Variants in ANXA6 observed in about 807,000 individuals in gnomAD.
ANXA6 encodes annexin A6, also known as 67 kDa calelectrin.
Under a neutral mutation model 95.4 loss-of-function variants are expected in ANXA6, and 71 were observed. The ratio of observed to expected loss-of-function variants is 0.74; its 90% CI spans 0.61 to 0.91. ANXA6 has a LOEUF of 0.91. Ranked by LOEUF, ANXA6 falls within the 40% of genes least tolerant of loss-of-function variation. The probability of loss-of-function intolerance (pLI) is 0.00; values close to 1 mark genes in which losing one functional copy is unlikely to be tolerated. For missense variants in ANXA6, 830 were observed against 876.4 expected (o/e 0.95, Z 0.67); for synonymous variants, 289 against 315.9 (o/e 0.91, Z 0.90).
At chr5:151,155,991 G>C (rs1331994017) in intron 1 of ANXA6, among the ~76,000 whole-genome samples, 1 of 152,226 alleles carries the variant, frequency 6.6e-6, no homozygotes, top group Non-Finnish European at 1.5e-5. Context: ...GTCTCAAGAG[G>C]CCAGGCCTTG....
In ANXA6 at chr5:151,119,310, G is replaced by C. The variant is rs777353319; in HGVS notation, c.1428C>G (p.Ala476=). The C allele has an allele frequency of 1.2e-6, 2 of 1,613,138 alleles. No individual in the cohort carries two copies. Among genetic ancestry groups the C allele is most frequent in the Non-Finnish European group, 8.5e-7 (1 of 1,179,808 alleles). The change falls in exon 18 of 26, where the codon GCC becomes GCG. Residue 476 remains alanine, a synonymous_variant. Coordinates refer to ENST00000354546, the MANE Select transcript of ANXA6 (RefSeq NM_001155.5). ...TNAEIRAINE[A]YKEDYHKSLE... is the part of the protein sequence containing the mutation. Reference sequence around the variant, plus strand: ...GCCTCCCAAACTCACCCTCCTTATAGGCCTCATTGATGGCCCGGATTTCAG... The same window carrying C: ...GCCTCCCAAACTCACCCTCCTTATACGCCTCATTGATGGCCCGGATTTCAG...
chr5:151,140,211 GA>G lies in ANXA6; in HGVS notation c.50del (p.Phe17SerfsTer17), dbSNP rs1561582870. 6.2e-7 allele frequency: 1 copy of G among 1,613,956 alleles called. No individual in the cohort carries two copies. Among genetic ancestry groups the G allele is most frequent in the East Asian group, 2.2e-5 (1 of 44,882 alleles). ...GAKYRGSIHD[F>X]PGFDPNQDAE... ...CATCCTGGTTGGGGTCAAAGCCTGG[GA>G]AGTCATGGATGGAGCCCCGGTACTT... On this transcript the variant is annotated frameshift_variant, in exon 3 of 26. Transcript: ENST00000354546. LOFTEE classifies it high-confidence loss of function.
chr5:151,123,382 C>T (rs925531226), intron 15 of ANXA6, among the ~76,000 whole-genome samples: 3 of 152,142 alleles, frequency 2.0e-5, no homozygotes, highest in African/African-American at 7.2e-5. Context: ...GGAGTAGTCA[C>T]CAAGGGATCC....
In ANXA6 at chr5:151,129,542, T is replaced by G; in HGVS notation, c.796-13A>C. On this transcript the variant is annotated splice_polypyrimidine_tract_variant and intron_variant, in intron 11 of 25. Coordinates refer to ENST00000354546, the MANE Select transcript of ANXA6 (RefSeq NM_001155.5). ...GAGTCCCCAGGCCCTGCAAGACAAG[T>G]GGGTTTGGGGAACATGGACTTGAGA... 6.3e-7 allele frequency: 1 copy of G among 1,593,426 alleles called. No homozygotes were observed. The highest frequency in any genetic ancestry group is 8.6e-7 in the Non-Finnish European group (1 of 1,169,474).
At chr5:151,112,630 G>C (rs1313283078) in intron 20 of ANXA6, among the ~76,000 whole-genome samples, 1 of 152,188 alleles carries the variant, frequency 6.6e-6, no homozygotes, top group Non-Finnish European at 1.5e-5. Context: ...CTATGAGTTT[G>C]AGACCAGCCG....
rs1765540519 is a variant in ANXA6 at position 151,132,465 on chromosome 5, T to TACGGCCCC, written c.736+10_736+11insGGGGCCGT. On this transcript the variant is annotated intron_variant, in intron 10 of 25. Transcript: ENST00000354546. ...CCCTAAAGCCCCCAGGAATGCAACG[T>TACGGCCCC]CAGGACATACCTACGGCCAGCATTA... 1 of 1,606,822 alleles carries TACGGCCCC rather than the reference T, an allele frequency of 6.2e-7. No individual in the cohort carries two copies. The highest frequency in any genetic ancestry group is 1.3e-5 in the African/African-American group (1 of 74,802).
At chr5:151,119,753 C>T (rs1207536490) in intron 17 of ANXA6, among the ~76,000 whole-genome samples, 2 of 152,220 alleles carry the variant, frequency 1.3e-5, no homozygotes, top group African/African-American at 4.8e-5. Context: ...GCAGTTTGGT[C>T]TCTGTGTGAG....
chr5:151,149,687 T>C (rs1252544901), intron 1 of ANXA6, among the ~76,000 whole-genome samples: 2 of 152,220 alleles, frequency 1.3e-5, no homozygotes, highest in Non-Finnish European at 2.9e-5. Context: ...GGTTTCACCA[T>C]GTTGGCCAGG....
intron 1 of ANXA6, among the ~76,000 whole-genome samples, chr5:151,150,592 G>A (rs57383339): frequency 0.02 from 3,102 of 152,270 alleles, 104 homozygotes; most frequent in African/African-American, 0.071. Flanking sequence ...GGCAGAGGAC[G>A]GATCTGCCTG....
Position 151,131,257 on chromosome 5 carries a change from C to G in ANXA6, c.769G>C (p.Ala257Pro), listed in dbSNP as rs1398433139. 1 of 1,613,988 alleles carries G rather than the reference C, an allele frequency of 6.2e-7. No individual in the cohort carries two copies. The highest frequency in any genetic ancestry group is 1.7e-5 in the Admixed American group (1 of 60,020). ...KCIRSTPEYFAERLFKAMKGL... is the reference protein window; with the variant it reads ...KCIRSTPEYFPERLFKAMKGL... ...TTCATAGCCTTGAAGAGCCTTTCAG[C>G]AAAATATTCCGGGGTGCTCCGGATA... The change falls in exon 11 of 26, where the codon GCT becomes CCT. Residue 257 changes from alanine to proline, a missense_variant. Ala to Pro is a conservative substitution (Grantham distance 27, BLOSUM62 -1). Transcript: ENST00000354546.
rs1355674698 is a variant in ANXA6, at chr5:151,139,336, C to G, written c.204+17G>C. 6.3e-7 allele frequency: 1 copy of G among 1,587,622 alleles called. No individual in the cohort carries two copies. The highest frequency in any genetic ancestry group is 1.1e-5 in the South Asian group (1 of 88,620). ...CTTCCACCCGCACCCCATGGGCCCT[C>G]CGGTTGCTGTGGTTACCTTGCCGTA... is the stretch of plus-strand genomic sequence containing the variant. On this transcript the variant is annotated intron_variant, in intron 4 of 25. Coordinates refer to ENST00000354546, the MANE Select transcript of ANXA6 (RefSeq NM_001155.5).
chr5:151,109,932 G>A (rs1168834186), intron 21 of ANXA6, 86 bp from the exon 22 acceptor site: 3 of 1,046,524 alleles, frequency 2.9e-6, no homozygotes, highest in African/African-American at 3.2e-5. Flanking sequence ...CTTTGCCTGG[G>A]CTGAGGGCAG....
intron 2 of ANXA6, chr5:151,141,751 AC>A (rs1460277967): frequency 1.0e-6 from 1 of 978,318 alleles, no homozygotes; most frequent in Non-Finnish European, 1.2e-6. Context: ...TCTTCCTGCC[AC>A]CTGGGAATCC....
At chr5:151,110,098 C>A (rs1198011481) in intron 21 of ANXA6, among the ~76,000 whole-genome samples, 1 of 152,166 alleles carries the variant, frequency 6.6e-6, no homozygotes, top group African/African-American at 2.4e-5. Flanking sequence ...ATCCTAGCCT[C>A]AGGACCGTGG....
intron 6 of ANXA6, 89 bp downstream of exon 6, chr5:151,137,142 T>G (rs1582008804): frequency 1.1e-5 from 9 of 810,002 alleles, no homozygotes; most frequent in Non-Finnish European, 1.7e-5. Context: ...GGAGAGAAGG[T>G]AGATGGCTAG....
chr5:151,138,855 A>G, intron 4 of ANXA6, 64 bp from the exon 5 acceptor site: 1 of 1,111,724 alleles, frequency 9.0e-7, no homozygotes, highest in Non-Finnish European at 1.4e-6. Context: ...AACGGTAAGA[A>G]TTACACTTAA....
chr5:151,139,991 AT>A (rs35144306), intron 3 of ANXA6, among the ~76,000 whole-genome samples, 161 bp downstream of exon 3: 14,312 of 152,208 alleles, frequency 0.094, 680 homozygotes, highest in African/African-American at 0.1. Flanking sequence ...TTTCTGAAAC[AT>A]TTTATTATAA....
At chr5:151,140,338 C>T in intron 2 of ANXA6, 95 bp from the exon 3 acceptor site, 1 of 1,058,074 alleles carries the variant, frequency 9.5e-7, no homozygotes, top group Non-Finnish European at 1.4e-6. Context: ...CTGGTCCAGG[C>T]TGAGCTGCTT....
At position 151,139,140 on chromosome 5, in the gene ANXA6, A is replaced by C. The variant is rs2303035; in HGVS notation, c.204+213T>G. 22,335 of 592,156 alleles carry C rather than the reference A, an allele frequency of 0.038. 1,893 individuals are homozygous for C. The highest frequency in any genetic ancestry group is 0.22 in the African/African-American group (11,561 of 53,760). The allele number at this position is 592,156 out of a possible 1,614,324, so 36.7% of individuals were successfully genotyped here. ...CCATCTTATTCACTAGTGCAGCCCT[A>C]ACACCTAGCACGAGCCCAGCATACA... On this transcript the variant is annotated intron_variant, in intron 4 of 25. Coordinates refer to ENST00000354546, the MANE Select transcript of ANXA6 (RefSeq NM_001155.5).
Sources: allele counts gnomAD v4.1 joint callset (sites outside exome capture counted in the v4.1 genomes callset), GRCh38; gene constraint gnomAD v4.1.1; transcripts MANE v1.5; gene names NCBI Gene and HGNC (gene_info 2026-07-23, HGNC 2026-07-21).